Variants in TRIO observed in about 807,000 individuals in gnomAD.
TRIO encodes trio Rho guanine nucleotide exchange factor, also known as triple functional domain protein.
TRIO carries 58 observed loss-of-function variants against 351.9 expected under a neutral mutation model. That is an observed-to-expected ratio of 0.16 (90% CI 0.13 to 0.21). The LOEUF (loss-of-function observed/expected upper bound fraction) is 0.21, where lower values mean the gene tolerates loss of function less well. TRIO is among the 10% of genes least tolerant of loss of function. The pLI, the probability that TRIO is intolerant of heterozygous loss-of-function variation, is 1.00. For synonymous variants in TRIO, 1,758 were observed against 1,595.7 expected (o/e 1.10, Z -2.42); for missense variants, 3,201 against 4,027.8 (o/e 0.79, Z 5.56).
At chr5:14,245,602 C>T (rs373755463) in intron 1 of TRIO, among the ~76,000 whole-genome samples, 10 of 152,324 alleles carry the variant, frequency 6.6e-5, no homozygotes, top group African/African-American at 1.9e-4. Context: ...GGAGATGCCT[C>T]GGCGTGGAGA....
chr5:14,181,143 T>G (rs1272755124), intron 1 of TRIO, among the ~76,000 whole-genome samples: 5 of 150,724 alleles, frequency 3.3e-5, no homozygotes, highest in Non-Finnish European at 5.9e-5. Flanking sequence ...CTTACCTTTT[T>G]GTAGGACATA....
At chr5:14,221,829 A>G (rs553605215) in intron 1 of TRIO, among the ~76,000 whole-genome samples, 5 of 152,374 alleles carry the variant, frequency 3.3e-5, no homozygotes, top group South Asian at 2.1e-4. Flanking sequence ...AGGATTTCCA[A>G]TGTGCCACAA....
intron 1 of TRIO, among the ~76,000 whole-genome samples, chr5:14,221,247 C>T (rs1417800536): frequency 6.6e-6 from 1 of 152,080 alleles, no homozygotes; most frequent in African/African-American, 2.4e-5. Context: ...TCCCAAAATA[C>T]TGATGCTCAT....
At chr5:14,392,848 CA>C (rs1747219095) in intron 27 of TRIO, among the ~76,000 whole-genome samples, 1 of 152,098 alleles carries the variant, frequency 6.6e-6, no homozygotes, top group South Asian at 2.1e-4. Context: ...AGATCGACAC[CA>C]TCCTGGCTAA....
chr5:14,380,504 C>T (rs901995172), intron 20 of TRIO, among the ~76,000 whole-genome samples: 1 of 151,190 alleles, frequency 6.6e-6, no homozygotes, highest in Admixed American at 6.6e-5. Flanking sequence ...CGGCTGACTC[C>T]CCTCTCTCTG....
chr5:14,192,900 T>A (rs1043420210), intron 1 of TRIO, among the ~76,000 whole-genome samples: 4 of 152,260 alleles, frequency 2.6e-5, no homozygotes, highest in Non-Finnish European at 1.5e-5. Flanking sequence ...CATAGTTTAC[T>A]TTGAAGTTAA....
chr5:14,354,789 T>G (rs1743467273), intron 11 of TRIO, among the ~76,000 whole-genome samples: 2 of 152,234 alleles, frequency 1.3e-5, no homozygotes, highest in African/African-American at 4.8e-5. Flanking sequence ...TGTTCTCCAT[T>G]TTTTGTCCAT....
intron 9 of TRIO, among the ~76,000 whole-genome samples, chr5:14,328,209 CAT>C (rs1379376291): frequency 6.6e-6 from 1 of 152,208 alleles, no homozygotes; most frequent in Non-Finnish European, 1.5e-5. Flanking sequence ...GCGCTCAATA[CAT>C]GAGTTAAAGT....
chr5:14,281,280 G>A (rs749858850), intron 3 of TRIO, among the ~76,000 whole-genome samples: 25 of 152,160 alleles, frequency 1.6e-4, no homozygotes, highest in Non-Finnish European at 3.1e-4. Flanking sequence ...GAAGGCAAGG[G>A]GGAAGCAGGC....
At chr5:14,393,365 A>G (rs1747279140) in intron 27 of TRIO, among the ~76,000 whole-genome samples, 1 of 152,232 alleles carries the variant, frequency 6.6e-6, no homozygotes, top group South Asian at 2.1e-4. Flanking sequence ...CACATTCTGC[A>G]CATGTATCCC....
At chr5:14,256,298 T>C (rs1025463962) in intron 1 of TRIO, among the ~76,000 whole-genome samples, 2 of 152,064 alleles carry the variant, frequency 1.3e-5, no homozygotes, top group African/African-American at 4.8e-5. Context: ...AAGACATTCA[T>C]GAGGGATCCA....
At chr5:14,349,369 TG>T (rs1742822279) in intron 11 of TRIO, among the ~76,000 whole-genome samples, 1 of 152,154 alleles carries the variant, frequency 6.6e-6, no homozygotes, top group African/African-American at 2.4e-5. Context: ...TGTGCACACA[TG>T]TGAGCATGTG....
In TRIO at chr5:14,321,311, G is replaced by A. The variant is rs62344975; in HGVS notation, c.1731+4568G>A. 3.1e-3 allele frequency among the ~76,000 whole-genome samples: 472 copies of A among 152,332 alleles called. 2 individuals are homozygous for A. The highest frequency in any genetic ancestry group is 4.1e-3 in the Non-Finnish European group (282 of 68,030). On this transcript the variant is annotated intron_variant, in intron 9 of 56. Transcript: ENST00000344204. ...AGTGTGGATGGAGAGGTATGAGGTG[G>A]GGCTGGTGCCAGCAAGGTAACATGG...
intron 1 of TRIO, among the ~76,000 whole-genome samples, chr5:14,152,908 T>C (rs1056584829): frequency 2.0e-5 from 3 of 152,178 alleles, no homozygotes; most frequent in Non-Finnish European, 2.9e-5. Context: ...AGTAGGTAAA[T>C]TTTGTTAGTT....
At position 14,497,057 on chromosome 5, in the gene TRIO, A is replaced by G. The variant is rs1010496778; in HGVS notation, c.8019+40A>G. The stretch of plus-strand genomic sequence containing the variant: ...CTTCAGGAGTCCGTGTCATCCCAGC[A>G]TGAGAGAAAGGATCAGGGAGGGCAG... On this transcript the variant is annotated intron_variant, in intron 50 of 56. Transcript: ENST00000344204. This position sits in a 1 kb window ranked among gnomAD's most constrained non-coding sequence, Gnocchi z 4.4. 8.1e-6 allele frequency: 13 copies of G among 1,608,718 alleles called. No individual in the cohort carries two copies. In the Admixed American group the frequency reaches 1.0e-4, roughly 13 times the overall value.
intron 38 of TRIO, among the ~76,000 whole-genome samples, chr5:14,471,941 G>A (rs943538279): frequency 3.3e-4 from 50 of 151,854 alleles, no homozygotes; most frequent in African/African-American, 1.2e-3. Flanking sequence ...CGTAAGCTAC[G>A]AAACGGCAGA....
At chr5:14,222,255 C>T (rs32392) in intron 1 of TRIO, among the ~76,000 whole-genome samples, 39,493 of 151,384 alleles carry the variant, frequency 0.26, 5,365 homozygotes, top group East Asian at 0.45. Context: ...TACCATGTAA[C>T]GTATAGTGTA....
chr5:14,317,586 G>A (rs1292820327), intron 9 of TRIO, among the ~76,000 whole-genome samples: 2 of 152,226 alleles, frequency 1.3e-5, no homozygotes, highest in Non-Finnish European at 2.9e-5. Flanking sequence ...TCTGCTGAAT[G>A]GGCTGGGAAT....
In TRIO at chr5:14,492,385, T is replaced by C. The variant is rs531878134; in HGVS notation, c.7633-182T>C. The C allele has an allele frequency of 4.1e-6, 3 of 737,572 alleles. No individual in the cohort carries two copies. In the African/African-American group the frequency reaches 5.3e-5, roughly 13 times the overall value. The allele number at this position is 737,572 out of a possible 1,614,324, so 45.7% of individuals were successfully genotyped here. A position where few individuals can be genotyped will look rare whatever the true frequency, so the allele number is the denominator to read the frequency against. ...TCTAGAGAAATTACATTTTCAGTTATTGAAATAGATGCACACAGTTAGCCA... is the reference window on the plus strand; with the variant it reads ...TCTAGAGAAATTACATTTTCAGTTACTGAAATAGATGCACACAGTTAGCCA... On this transcript the variant is annotated intron_variant, in intron 48 of 56. Transcript: ENST00000344204.
Sources: gnomAD v4.1 joint callset for allele counts (sites outside exome capture counted in the v4.1 genomes callset) on GRCh38, gnomAD v4.1.1 for gene constraint, Gnocchi (gnomAD v3.1) non-coding constraint, MANE v1.5 for transcripts, NCBI Gene and HGNC (gene_info 2026-07-23, HGNC 2026-07-21) for gene names.